Variants in LRRC4C observed in about 807,000 individuals in gnomAD.
LRRC4C encodes leucine rich repeat containing 4C, also known as leucine-rich repeat-containing protein 4C.
In LRRC4C, 5 loss-of-function variants were observed where a neutral mutation model predicts 33.6. The observed-to-expected ratio is 0.15, with a 90% CI of 0.08 to 0.31. The LOEUF is 0.31. LRRC4C is among the 10% of genes least tolerant of loss of function. The pLI, the probability that LRRC4C is intolerant of heterozygous loss-of-function variation, is 1.00. For missense variants in LRRC4C, 560 were observed against 796.7 expected (o/e 0.70, Z 3.58); for synonymous variants, 329 against 302.0 (o/e 1.09, Z -0.93).
At chr11:40,461,541 C>A (rs956194387) in intron 3 of LRRC4C, among the ~76,000 whole-genome samples, 1 of 151,798 alleles carries the variant, frequency 6.6e-6, no homozygotes. Flanking sequence ...CAGTGCTCAG[C>A]AAATAAATAA....
intron 1 of LRRC4C, among the ~76,000 whole-genome samples, chr11:40,952,499 C>T (rs549620579): frequency 6.6e-6 from 1 of 151,922 alleles, no homozygotes; most frequent in East Asian, 1.9e-4. Context: ...CTTGTCTTTA[C>T]TTTTTCTAGA....
At chr11:40,133,881 G>T (rs910993579) in intron 6 of LRRC4C, among the ~76,000 whole-genome samples, 4 of 152,100 alleles carry the variant, frequency 2.6e-5, no homozygotes, top group African/African-American at 9.7e-5. Flanking sequence ...TATTTTTTGA[G>T]TGCCTACCAA....
At chr11:40,358,879 T>C (rs1005441645) in intron 3 of LRRC4C, among the ~76,000 whole-genome samples, 5 of 152,194 alleles carry the variant, frequency 3.3e-5, no homozygotes, top group African/African-American at 1.2e-4. Flanking sequence ...TTTATTTATT[T>C]AATTTTAACA....
chr11:41,235,053 T>C (rs1210752020), intron 1 of LRRC4C, among the ~76,000 whole-genome samples: 2 of 151,964 alleles, frequency 1.3e-5, no homozygotes, highest in South Asian at 2.1e-4. Context: ...AAGGGTTCTA[T>C]AAACATGTGG....
chr11:40,270,206 T>C (rs1389896458), intron 4 of LRRC4C, among the ~76,000 whole-genome samples: 1 of 152,180 alleles, frequency 6.6e-6, no homozygotes, highest in Non-Finnish European at 1.5e-5. Flanking sequence ...TTTACTAGTG[T>C]TGCCGTAACA....
intron 1 of LRRC4C, among the ~76,000 whole-genome samples, chr11:41,132,004 G>A (rs991398923): frequency 1.7e-4 from 26 of 152,136 alleles, no homozygotes; most frequent in Non-Finnish European, 2.9e-5. Flanking sequence ...ACTCAGTTGA[G>A]CAGCCTGTGC....
At chr11:40,185,974 C>A (rs1162060102) in intron 5 of LRRC4C, among the ~76,000 whole-genome samples, 1 of 152,202 alleles carries the variant, frequency 6.6e-6, no homozygotes, top group African/African-American at 2.4e-5. Flanking sequence ...AGCAGTATCA[C>A]TTTCCCCTGT....
chr11:40,533,945 G>A (rs1956371417), intron 3 of LRRC4C, among the ~76,000 whole-genome samples: 1 of 152,156 alleles, frequency 6.6e-6, no homozygotes, highest in South Asian at 2.1e-4. Flanking sequence ...AAGTAAGTGT[G>A]TGCATATAGA....
At chr11:40,143,231 C>T (rs1159863433) in intron 5 of LRRC4C, among the ~76,000 whole-genome samples, 1 of 152,154 alleles carries the variant, frequency 6.6e-6, no homozygotes, top group Admixed American at 6.5e-5. Context: ...ATTCCATAGC[C>T]TGGTCCAATA....
At chr11:41,396,055 T>C (rs113652654) in intron 1 of LRRC4C, among the ~76,000 whole-genome samples, 1 of 152,002 alleles carries the variant, frequency 6.6e-6, no homozygotes, top group Non-Finnish European at 1.5e-5. Context: ...GCTATTTTTT[T>C]CGGCTCAACG....
At chr11:40,301,308 T>C (rs1944762646) in intron 4 of LRRC4C, among the ~76,000 whole-genome samples, 1 of 152,176 alleles carries the variant, frequency 6.6e-6, no homozygotes, top group Non-Finnish European at 1.5e-5. Flanking sequence ...ACAATCTCCT[T>C]TATTAAATGT....
intron 3 of LRRC4C, among the ~76,000 whole-genome samples, chr11:40,545,529 C>T (rs780791616): frequency 4.0e-5 from 6 of 151,838 alleles, no homozygotes; most frequent in Admixed American, 6.6e-5. Flanking sequence ...GTTAAGGGAA[C>T]GCAGTTTGTG....
intron 3 of LRRC4C, among the ~76,000 whole-genome samples, chr11:40,477,082 C>A (rs1286130957): frequency 1.3e-5 from 2 of 152,180 alleles, no homozygotes; most frequent in African/African-American, 2.4e-5. Context: ...TTAAAAATAG[C>A]CCATTCTGCT....
intron 3 of LRRC4C, among the ~76,000 whole-genome samples, chr11:40,340,862 A>C (rs1946834442): frequency 6.6e-6 from 1 of 152,176 alleles, no homozygotes; most frequent in African/African-American, 2.4e-5. Flanking sequence ...ATTTTAAATG[A>C]CAGAAGCCAA....
intron 1 of LRRC4C, among the ~76,000 whole-genome samples, chr11:41,046,727 G>C (rs1254085351): frequency 6.6e-6 from 1 of 152,156 alleles, no homozygotes; most frequent in Non-Finnish European, 1.5e-5. Context: ...GATGGTCACT[G>C]TTGAGGGATC....
intron 3 of LRRC4C, among the ~76,000 whole-genome samples, chr11:40,436,935 T>G (rs893202562): frequency 6.6e-6 from 1 of 152,168 alleles, no homozygotes; most frequent in Non-Finnish European, 1.5e-5. Context: ...CTCAGACCTC[T>G]GAGGCCAGAG....
intron 1 of LRRC4C, among the ~76,000 whole-genome samples, chr11:41,355,136 A>G (rs182019781): frequency 3.3e-5 from 5 of 152,202 alleles, no homozygotes; most frequent in African/African-American, 1.2e-4. Context: ...ACTCAAACAA[A>G]TAGCTCCATT....
At chr11:41,228,048 T>C (rs1426007044) in intron 1 of LRRC4C, among the ~76,000 whole-genome samples, 1 of 152,132 alleles carries the variant, frequency 6.6e-6, no homozygotes, top group East Asian at 1.9e-4. Context: ...TCTCTTGCTT[T>C]TGCCCTGTAA....
chr11:40,293,876 TCCCTGCGCGGCAGAAAC>T (rs1391629920), intron 4 of LRRC4C: 2 of 152,412 alleles, frequency 1.3e-5, no homozygotes, highest in Non-Finnish European at 2.9e-5. Flanking sequence ...GGCTCACGGC[TCCCTGCGCGGCAGAAAC>T]CCCAGTCCCC....
Sources: allele counts gnomAD v4.1 joint callset (sites outside exome capture counted in the v4.1 genomes callset), GRCh38; gene constraint gnomAD v4.1.1; transcripts MANE v1.5; gene names NCBI Gene and HGNC (gene_info 2026-07-23, HGNC 2026-07-21).